The following ZFHX3 variants were observed in gnomAD, a reference collection of about 807,000 sequenced individuals.
The protein encoded by ZFHX3 is zinc finger homeobox protein 3.
Under a neutral mutation model 279.1 loss-of-function variants are expected in ZFHX3, and 42 were observed. The observed-to-expected ratio is 0.15, with a 90% CI of 0.12 to 0.19. The LOEUF is 0.19. Ranked by LOEUF, ZFHX3 falls within the 10% of genes least tolerant of loss-of-function variation. The probability of loss-of-function intolerance (pLI) is 1.00; values close to 1 mark genes in which losing one functional copy is unlikely to be tolerated. For missense variants in ZFHX3, 4,981 were observed against 4,754.0 expected, an observed-to-expected ratio of 1.05 and a Z score of -1.40; for synonymous variants, 2,293 against 1,957.8, an observed-to-expected ratio of 1.17 and a Z score of -4.52.
At chr16:73,819,248 G>A (rs1442350318) in intron 1 of ZFHX3, among the ~76,000 whole-genome samples, 1 of 151,558 alleles carries the variant, frequency 6.6e-6, no homozygotes, top group Non-Finnish European at 1.5e-5. Context: ...CTGACACTTT[G>A]GGCTGGATAG....
chr16:73,048,917 T>C (rs1206059832), upstream of ZFHX3, among the ~76,000 whole-genome samples: 1 of 152,208 alleles, frequency 6.6e-6, no homozygotes, highest in African/African-American at 2.4e-5. Context: ...CAGTCTACCA[T>C]GTAAGCCTCC....
intron 2 of ZFHX3, among the ~76,000 whole-genome samples, chr16:73,551,592 T>G (rs1228951324): frequency 6.6e-6 from 1 of 152,220 alleles, no homozygotes; most frequent in African/African-American, 2.4e-5. Context: ...ATTCTTTGTT[T>G]CCTAATGCAG....
At chr16:73,815,752 A>T (rs1175913240) in intron 1 of ZFHX3, 1 of 152,030 alleles carries the variant, frequency 6.6e-6, no homozygotes, top group Non-Finnish European at 1.5e-5. Context: ...TTTACTAGAG[A>T]CAGGTTTTCA....
rs78924884 is a variant in ZFHX3 at position 73,851,851 on chromosome 16, C to T, written c.-1608+39800G>A. Among the ~76,000 whole-genome samples, 413 of 152,238 alleles carry T rather than the reference C, an allele frequency of 2.7e-3. 1 individual carries two copies. The highest frequency in any genetic ancestry group is 9.4e-3 in the African/African-American group (389 of 41,530). On this transcript the variant is annotated intron_variant, in intron 1 of 17. Coordinates refer to the ZFHX3 transcript ENST00000641206. Reference sequence around the variant, plus strand: ...GGTCCCTCCTCACACCACCATCTTCCATAATGGTCCCACCATTTGGAACTG... The same window carrying T: ...GGTCCCTCCTCACACCACCATCTTCTATAATGGTCCCACCATTTGGAACTG...
chr16:73,698,409 C>T (rs771387265), intron 1 of ZFHX3, among the ~76,000 whole-genome samples: 2 of 152,146 alleles, frequency 1.3e-5, no homozygotes, highest in South Asian at 2.1e-4. Flanking sequence ...ATGCTAATAT[C>T]GGTGGGTGAA....
chr16:73,097,913 A>G (rs1966185594), intron 7 of ZFHX3, among the ~76,000 whole-genome samples: 1 of 152,208 alleles, frequency 6.6e-6, no homozygotes, highest in Admixed American at 6.5e-5. Flanking sequence ...TCTAACCTTA[A>G]TTCATTTTAT....
At chr16:73,807,597 C>G (rs1287657668) in intron 1 of ZFHX3, among the ~76,000 whole-genome samples, 1 of 147,806 alleles carries the variant, frequency 6.8e-6, no homozygotes, top group Non-Finnish European at 1.5e-5. Context: ...GCTGGGCCTA[C>G]AGGCACATTC....
chr16:73,239,497 A>G (rs2013053685), intron 5 of ZFHX3, among the ~76,000 whole-genome samples: 1 of 152,194 alleles, frequency 6.6e-6, no homozygotes, highest in African/African-American at 2.4e-5. Flanking sequence ...TCTCTCTGCC[A>G]TTTCTAAGAT....
intron 5 of ZFHX3, among the ~76,000 whole-genome samples, chr16:73,251,665 C>T (rs2013491686): frequency 1.3e-5 from 2 of 151,866 alleles, no homozygotes; most frequent in African/African-American, 4.8e-5. Context: ...AAGAGTAAAA[C>T]ACACATTCAC....
chr16:73,870,162 A>C (rs924146658), intron 1 of ZFHX3, among the ~76,000 whole-genome samples: 6 of 152,206 alleles, frequency 3.9e-5, no homozygotes, highest in Non-Finnish European at 7.3e-5. Context: ...GGATAAAGAA[A>C]GATAGGTCCC....
At chr16:73,096,983 G>C (rs1966171768) in intron 7 of ZFHX3, among the ~76,000 whole-genome samples, 1 of 152,020 alleles carries the variant, frequency 6.6e-6, no homozygotes. Context: ...CAAGGCAAGA[G>C]GAGAAATATT....
chr16:73,082,463 G>T (rs1019615290), intron 8 of ZFHX3, among the ~76,000 whole-genome samples: 2 of 151,898 alleles, frequency 1.3e-5, no homozygotes, highest in Non-Finnish European at 2.9e-5. Context: ...TAGAGATGGG[G>T]TTTCACCGTG....
intron 4 of ZFHX3, among the ~76,000 whole-genome samples, chr16:72,848,235 C>A (rs917741611): frequency 6.6e-6 from 1 of 152,016 alleles, no homozygotes; most frequent in Admixed American, 6.5e-5. Context: ...CTGTTCCCTG[C>A]GCTAAGCAGT....
intron 1 of ZFHX3, among the ~76,000 whole-genome samples, chr16:73,034,428 C>T (rs962684949): frequency 6.6e-6 from 1 of 152,204 alleles, no homozygotes; most frequent in Non-Finnish European, 1.5e-5. Context: ...CCCCTCCAAG[C>T]AATGCACCAC....
chr16:72,849,402 C>T (rs1486583409), intron 4 of ZFHX3, among the ~76,000 whole-genome samples: 1 of 152,188 alleles, frequency 6.6e-6, no homozygotes, highest in African/African-American at 2.4e-5. Context: ...TGACTTCTCT[C>T]TCTGCCAGGA....
chr16:73,074,787 TTTTTC>T (rs1453574500), intron 8 of ZFHX3, among the ~76,000 whole-genome samples: 2 of 151,272 alleles, frequency 1.3e-5, no homozygotes, highest in Admixed American at 1.3e-4. Flanking sequence ...TCCTTTTTTC[TTTTTC>T]TTTTCTTTTC....
intron 3 of ZFHX3, among the ~76,000 whole-genome samples, chr16:73,423,861 C>CAAAAAAA (rs34917527): frequency 7.3e-6 from 1 of 136,728 alleles, no homozygotes; most frequent in Non-Finnish European, 1.6e-5. Flanking sequence ...GACTCCATCT[C>CAAAAAAA]AAAAAAAAAA....
At chr16:73,646,029 G>C (rs1193380971) in intron 2 of ZFHX3, among the ~76,000 whole-genome samples, 1 of 152,082 alleles carries the variant, frequency 6.6e-6, no homozygotes, top group Non-Finnish European at 1.5e-5. Context: ...ATAGCCTTTT[G>C]GATGGGAAAT....
intron 1 of ZFHX3, among the ~76,000 whole-genome samples, chr16:73,003,215 C>T (rs376001354): frequency 2.6e-5 from 4 of 151,046 alleles, no homozygotes; most frequent in African/African-American, 4.9e-5. Context: ...TAGCAAAAAT[C>T]TTTATGTATA....
Sources: allele counts gnomAD v4.1 joint callset (sites outside exome capture counted in the v4.1 genomes callset), GRCh38; gene constraint gnomAD v4.1.1; transcripts MANE v1.5; gene names NCBI Gene and HGNC (gene_info 2026-07-23, HGNC 2026-07-21).